Variants in RBPJ observed in about 807,000 individuals in gnomAD.
RBPJ encodes the protein recombining binding protein suppressor of hairless.
In RBPJ, 9 loss-of-function variants were observed where a neutral mutation model predicts 67.8. That is an observed-to-expected ratio of 0.13 (90% CI 0.08 to 0.23). RBPJ has a LOEUF of 0.23. Ranked by LOEUF, RBPJ falls within the 10% of genes least tolerant of loss-of-function variation. The pLI is 1.00. For missense variants in RBPJ, 305 were observed against 595.6 expected (o/e 0.51, Z 5.08); for synonymous variants, 198 against 203.3 (o/e 0.97, Z 0.22).
At chr4:26,126,784 G>A in the RBPJ span, among the ~76,000 whole-genome samples, 3 of 152,186 alleles carry the variant, frequency 2.0e-5, no homozygotes, top group South Asian at 6.2e-4. Context: ...GAATGCAAAG[G>A]TAAGAAGTCT....
chr4:26,295,963 G>A (rs1017811407), intron 1 of RBPJ, among the ~76,000 whole-genome samples: 1 of 152,158 alleles, frequency 6.6e-6, no homozygotes, highest in African/African-American at 2.4e-5. Flanking sequence ...TATCAGTAAT[G>A]GAGAAAACAG....
chr4:26,230,541 G>C (rs151097835), intron 1 of RBPJ, among the ~76,000 whole-genome samples: 2 of 152,194 alleles, frequency 1.3e-5, no homozygotes, highest in African/African-American at 4.8e-5. Flanking sequence ...TTATGGACAC[G>C]TAGTGAATAA....
chr4:26,120,763 C>A, the RBPJ span, among the ~76,000 whole-genome samples: 1 of 135,906 alleles, frequency 7.4e-6, no homozygotes, highest in Non-Finnish European at 1.5e-5. Context: ...AAGCAATATC[C>A]CAGCTTTATA....
chr4:26,295,686 C>A (rs1300581660), intron 1 of RBPJ, among the ~76,000 whole-genome samples: 2 of 152,088 alleles, frequency 1.3e-5, no homozygotes, highest in Non-Finnish European at 2.9e-5. Flanking sequence ...TCCCCATAGC[C>A]CTGTGGCATC....
intron 2 of RBPJ, among the ~76,000 whole-genome samples, chr4:26,397,571 G>C (rs187023020): frequency 3.3e-5 from 5 of 152,238 alleles, no homozygotes; most frequent in Admixed American, 3.3e-4. Flanking sequence ...ATATATTTTA[G>C]GCTTTGAGGG....
At chr4:26,332,088 A>G (rs1724326167) in intron 1 of RBPJ, among the ~76,000 whole-genome samples, 1 of 152,198 alleles carries the variant, frequency 6.6e-6, no homozygotes, top group Admixed American at 6.5e-5. Context: ...AAGGAAGTGA[A>G]TTAATTTCAG....
chr4:26,420,936 C>A (rs1242278605), intron 5 of RBPJ: 1 of 475,202 alleles, frequency 2.1e-6, no homozygotes. Context: ...CTTAATGCTC[C>A]CAGGGACATT....
At chr4:26,164,617 T>C (rs779998504) in intron 1 of RBPJ, among the ~76,000 whole-genome samples, 1 of 152,258 alleles carries the variant, frequency 6.6e-6, no homozygotes, top group Non-Finnish European at 1.5e-5. Context: ...TTTCCAAAAG[T>C]ACTTGGATGC....
chr4:26,293,713 A>G (rs915535114), intron 1 of RBPJ, among the ~76,000 whole-genome samples: 1 of 137,828 alleles, frequency 7.3e-6, no homozygotes, highest in Non-Finnish European at 1.6e-5. Context: ...TGATGGCAAA[A>G]CAATTCAGGA....
intron 1 of RBPJ, among the ~76,000 whole-genome samples, chr4:26,250,233 A>T (rs1308947815): frequency 6.6e-6 from 1 of 152,044 alleles, no homozygotes; most frequent in Non-Finnish European, 1.5e-5. Context: ...TGAAGGTAGA[A>T]TCATACAACA....
At chr4:26,108,152 A>G in the RBPJ span, among the ~76,000 whole-genome samples, 1 of 152,166 alleles carries the variant, frequency 6.6e-6, no homozygotes, top group Non-Finnish European at 1.5e-5. Flanking sequence ...CTCTTAAATC[A>G]GAGTAGGAGG....
At chr4:26,121,547 C>T in the RBPJ span, among the ~76,000 whole-genome samples, 1 of 152,210 alleles carries the variant, frequency 6.6e-6, no homozygotes, top group East Asian at 1.9e-4. Flanking sequence ...ACTCCTATTT[C>T]CACCCTTTGT....
At chr4:26,116,013 T>A in the RBPJ span, among the ~76,000 whole-genome samples, 1 of 152,186 alleles carries the variant, frequency 6.6e-6, no homozygotes, top group African/African-American at 2.4e-5. Flanking sequence ...TGAATTGAAT[T>A]TGTCAAAATA....
At chr4:26,232,465 TC>T (rs112153150) in intron 1 of RBPJ, among the ~76,000 whole-genome samples, 7,925 of 152,068 alleles carry the variant, frequency 0.052, 612 homozygotes, top group African/African-American at 0.17. Context: ...GCAATCCACC[TC>T]GGCATCCCAA....
At chr4:26,360,794 G>T (rs1408991834) in intron 1 of RBPJ, among the ~76,000 whole-genome samples, 3 of 150,654 alleles carry the variant, frequency 2.0e-5, no homozygotes, top group Non-Finnish European at 4.4e-5. Flanking sequence ...ATTTTTAGTA[G>T]AGATAGGGTT....
chr4:26,241,323 G>C (rs111694876), intron 1 of RBPJ, among the ~76,000 whole-genome samples: 1 of 151,940 alleles, frequency 6.6e-6, no homozygotes, highest in African/African-American at 2.4e-5. Flanking sequence ...GTGAAAAAAA[G>C]AGCTGACATT....
At chr4:26,333,722 C>T (rs1208644107) in intron 1 of RBPJ, among the ~76,000 whole-genome samples, 1 of 152,054 alleles carries the variant, frequency 6.6e-6, no homozygotes, top group Admixed American at 6.6e-5. Flanking sequence ...TAGGATCTTA[C>T]TGTGTCACCC....
At chr4:26,351,343 C>G (rs1456211155) in intron 1 of RBPJ, among the ~76,000 whole-genome samples, 1 of 152,120 alleles carries the variant, frequency 6.6e-6, no homozygotes, top group African/African-American at 2.4e-5. Flanking sequence ...AGTTTTTGAT[C>G]ACATACTTAG....
chr4:26,331,033 T>C (rs920440749), intron 1 of RBPJ, among the ~76,000 whole-genome samples: 1 of 152,210 alleles, frequency 6.6e-6, no homozygotes, highest in African/African-American at 2.4e-5. Flanking sequence ...ACAGACAGGT[T>C]AGATAATGGC....
Sources: allele counts gnomAD v4.1 joint callset (sites outside exome capture counted in the v4.1 genomes callset), GRCh38; gene constraint gnomAD v4.1.1; transcripts MANE v1.5; gene names NCBI Gene and HGNC (gene_info 2026-07-23, HGNC 2026-07-21).